TNS3: variants seen among roughly 807,000 people sequenced by gnomAD.
TNS3 encodes the protein tensin 3.
Under a neutral mutation model 140.9 loss-of-function variants are expected in TNS3, and 45 were observed. The observed-to-expected ratio is 0.32, with a 90% CI of 0.25 to 0.41. The LOEUF (loss-of-function observed/expected upper bound fraction) is 0.41. TNS3 is among the 10% of genes least tolerant of loss of function. The pLI, the probability that TNS3 is intolerant of heterozygous loss-of-function variation, is 1.00. For synonymous variants in TNS3, 815 were observed against 788.4 expected (o/e 1.03, Z -0.56); for missense variants, 1,716 against 1,906.7 (o/e 0.90, Z 1.86).
chr7:47,358,531 G>A (rs1325392317), intron 17 of TNS3, among the ~76,000 whole-genome samples: 1 of 152,184 alleles, frequency 6.6e-6, no homozygotes, highest in Non-Finnish European at 1.5e-5. Context: ...GGGCTGCGCT[G>A]AACATAAGTG....
chr7:47,390,051 C>A (rs2151289590), intron 16 of TNS3, among the ~76,000 whole-genome samples: 1 of 152,316 alleles, frequency 6.6e-6, no homozygotes, highest in African/African-American at 2.4e-5. Context: ...GGCTGAATAC[C>A]ATGCAAAGAG....
rs143800171 is a variant in TNS3, at chr7:47,412,607, A to G, written c.648-805T>C. Among the ~76,000 whole-genome samples the G allele has an allele frequency of 2.8e-3, 422 of 152,326 alleles. 1 individual carries two copies. Among genetic ancestry groups the G allele is most frequent in the African/African-American group, 9.6e-3 (399 of 41,578 alleles). ...CGAGATGCTCTCTCAAAAAAAATAAATAAATAAAAATGGAAAACAAAATGG... is the reference window on the plus strand; with the variant it reads ...CGAGATGCTCTCTCAAAAAAAATAAGTAAATAAAAATGGAAAACAAAATGG... On this transcript the variant is annotated intron_variant, in intron 12 of 30. Coordinates refer to ENST00000311160, the MANE Select transcript of TNS3 (RefSeq NM_022748.12).
chr7:47,550,411 C>T (rs1247290117), intron 1 of TNS3, among the ~76,000 whole-genome samples: 5 of 152,146 alleles, frequency 3.3e-5, no homozygotes, highest in Non-Finnish European at 7.3e-5. Flanking sequence ...CCACAGGATC[C>T]GTCCTGTAAG....
chr7:47,470,932 G>T (rs528074383), intron 4 of TNS3, among the ~76,000 whole-genome samples: 2 of 151,640 alleles, frequency 1.3e-5, no homozygotes, highest in Non-Finnish European at 2.9e-5. Context: ...TCACATTGAC[G>T]GGTGTGTTTT....
intron 1 of TNS3, among the ~76,000 whole-genome samples, chr7:47,567,274 C>G (rs1243404901): frequency 2.6e-5 from 4 of 152,072 alleles, no homozygotes; most frequent in Non-Finnish European, 4.4e-5. Context: ...ATATACAAAA[C>G]AAAACTTTGC....
chr7:47,493,638 G>GAA (rs1214712209), intron 3 of TNS3, among the ~76,000 whole-genome samples: 2 of 146,120 alleles, frequency 1.4e-5, no homozygotes, highest in African/African-American at 5.1e-5. Flanking sequence ...CTAACACGCT[G>GAA]AAACCCTGTC....
intron 5 of TNS3, among the ~76,000 whole-genome samples, chr7:47,440,684 G>A (rs540934465): frequency 2.7e-4 from 41 of 152,280 alleles, no homozygotes; most frequent in African/African-American, 5.5e-4. Flanking sequence ...CATTATGGCT[G>A]AGGGTGGTAT....
intron 20 of TNS3, among the ~76,000 whole-genome samples, chr7:47,307,513 G>T (rs903263759): frequency 2.0e-5 from 3 of 152,186 alleles, no homozygotes; most frequent in African/African-American, 7.2e-5. Context: ...GGACCATATG[G>T]TAAGTGTCTA....
intron 3 of TNS3, among the ~76,000 whole-genome samples, chr7:47,484,162 C>A (rs2151801368): frequency 6.6e-6 from 1 of 152,192 alleles, no homozygotes; most frequent in East Asian, 1.9e-4. Context: ...TGTGCTGTTA[C>A]AAAATGCAGA....
intron 4 of TNS3, among the ~76,000 whole-genome samples, chr7:47,475,772 C>T (rs1797173490): frequency 6.6e-6 from 1 of 152,222 alleles, no homozygotes; most frequent in Admixed American, 6.5e-5. Context: ...TGTGGGGCCA[C>T]CATTCGGACC....
At chr7:47,480,032 C>T (rs1248535510) in intron 4 of TNS3, among the ~76,000 whole-genome samples, 1 of 152,220 alleles carries the variant, frequency 6.6e-6, no homozygotes, top group Non-Finnish European at 1.5e-5. Context: ...AGGATCTGAT[C>T]TTGACTTCAT....
chr7:47,338,044 T>C (rs1416975465), intron 20 of TNS3, among the ~76,000 whole-genome samples: 1 of 152,234 alleles, frequency 6.6e-6, no homozygotes, highest in Admixed American at 6.5e-5. Flanking sequence ...TATGAATAAT[T>C]CACTTATTTT....
chr7:47,412,923 T>TATGAAA (rs1260502308), intron 12 of TNS3, among the ~76,000 whole-genome samples: 2 of 152,214 alleles, frequency 1.3e-5, no homozygotes, highest in African/African-American at 4.8e-5. Context: ...TCATGGGTTA[T>TATGAAA]ATGAAAATAC....
At chr7:47,504,510 A>G (rs2151873784) in intron 3 of TNS3, among the ~76,000 whole-genome samples, 1 of 152,362 alleles carries the variant, frequency 6.6e-6, no homozygotes, top group South Asian at 2.1e-4. Flanking sequence ...GCTACCACCC[A>G]GTCTTGGGTC....
At chr7:47,410,268 C>T (rs979193671) in intron 13 of TNS3, among the ~76,000 whole-genome samples, 11 of 152,204 alleles carry the variant, frequency 7.2e-5, no homozygotes, top group African/African-American at 2.7e-4. Context: ...ACTTCCAGCC[C>T]AGGTCCTCCT....
intron 20 of TNS3, among the ~76,000 whole-genome samples, chr7:47,326,214 C>CCA (rs1052286056): frequency 6.6e-6 from 1 of 152,198 alleles, no homozygotes; most frequent in Non-Finnish European, 1.5e-5. Flanking sequence ...CTCTGCTAAC[C>CCA]CACACATAGG....
At chr7:47,311,509 A>T (rs1003966248) in intron 20 of TNS3, among the ~76,000 whole-genome samples, 6 of 152,166 alleles carry the variant, frequency 3.9e-5, no homozygotes, top group African/African-American at 1.4e-4. Flanking sequence ...ACTCAAAACA[A>T]AATAAATGAA....
intron 4 of TNS3, among the ~76,000 whole-genome samples, chr7:47,464,110 C>G (rs757491007): frequency 2.5e-4 from 38 of 152,134 alleles, no homozygotes; most frequent in Non-Finnish European, 4.3e-4. Flanking sequence ...AATCCTTCCT[C>G]CTGACAAGGA....
At chr7:47,364,939 G>T (rs1236349969) in intron 17 of TNS3, among the ~76,000 whole-genome samples, 5 of 152,100 alleles carry the variant, frequency 3.3e-5, no homozygotes, top group African/African-American at 9.7e-5. Flanking sequence ...CATCTTTTTA[G>T]TTCTGAAGCT....
Sources: gnomAD v4.1 joint callset for allele counts (sites outside exome capture counted in the v4.1 genomes callset) on GRCh38, gnomAD v4.1.1 for gene constraint, MANE v1.5 for transcripts, NCBI Gene and HGNC (gene_info 2026-07-23, HGNC 2026-07-21) for gene names.